The following TBCA variants were observed in gnomAD, a reference collection of about 807,000 sequenced individuals.
The protein encoded by TBCA is tubulin folding cofactor A.
Under a neutral mutation model 15.8 loss-of-function variants are expected in TBCA, and 6 were observed. The ratio of observed to expected loss-of-function variants is 0.38; its 90% confidence interval spans 0.21 to 0.75. TBCA has a LOEUF of 0.75. TBCA is among the 30% of genes least tolerant of loss of function. The pLI is 0.46. For missense variants in TBCA, 90 were observed against 131.2 expected (o/e 0.69, Z 1.53); for synonymous variants, 32 against 42.3 (o/e 0.76, Z 0.94).
intron 1 of TBCA, among the ~76,000 whole-genome samples, chr5:77,759,596 G>A (rs1251590200): frequency 1.3e-5 from 2 of 152,102 alleles, no homozygotes; most frequent in East Asian, 3.9e-4. Flanking sequence ...CATAAAACCA[G>A]GTTATTACAC....
chr5:77,722,012 G>GA (rs753464243), intron 1 of TBCA, among the ~76,000 whole-genome samples: 1 of 151,882 alleles, frequency 6.6e-6, no homozygotes, highest in Non-Finnish European at 1.5e-5. Flanking sequence ...CACAAAAACA[G>GA]AAAAAAATAT....
chr5:77,692,978 TA>T (rs1283544318), intron 3 of TBCA: 1 of 1,339,258 alleles, frequency 7.5e-7, no homozygotes. Context: ...GAAAACCAAA[TA>T]ATCAAGACAT....
chr5:77,703,607 C>CA (rs1746074315), intron 2 of TBCA, among the ~76,000 whole-genome samples: 1 of 152,110 alleles, frequency 6.6e-6, no homozygotes, highest in Non-Finnish European at 1.5e-5. Context: ...GACAAGGCCT[C>CA]ACTCTGTCAC....
At chr5:77,740,779 A>T (rs1244684539) in intron 1 of TBCA, among the ~76,000 whole-genome samples, 1 of 152,018 alleles carries the variant, frequency 6.6e-6, no homozygotes, top group Non-Finnish European at 1.5e-5. Context: ...TGATGGAGTA[A>T]AAAAGGGAAA....
At chr5:77,711,293 A>G (rs908050688) in intron 1 of TBCA, among the ~76,000 whole-genome samples, 4 of 152,208 alleles carry the variant, frequency 2.6e-5, no homozygotes, top group Non-Finnish European at 4.4e-5. Flanking sequence ...TAGAAGAACC[A>G]TATGGCCTGC....
chr5:77,736,500 A>G (rs1746910705), intron 1 of TBCA, among the ~76,000 whole-genome samples: 1 of 152,204 alleles, frequency 6.6e-6, no homozygotes, highest in South Asian at 2.1e-4. Context: ...CAAACTTCTA[A>G]TAAGGACATT....
At chr5:77,754,990 C>T (rs1421124578) in intron 1 of TBCA, among the ~76,000 whole-genome samples, 1 of 152,128 alleles carries the variant, frequency 6.6e-6, no homozygotes, top group East Asian at 1.9e-4. Context: ...AAACACACAA[C>T]AAAATACATG....
chr5:77,724,123 T>C (rs1392534246), intron 1 of TBCA, among the ~76,000 whole-genome samples: 1 of 152,068 alleles, frequency 6.6e-6, no homozygotes, highest in African/African-American at 2.4e-5. Context: ...AAACAATGTA[T>C]GAGGCAAATT....
intron 1 of TBCA, among the ~76,000 whole-genome samples, chr5:77,742,747 T>C (rs905836830): frequency 3.3e-5 from 5 of 152,234 alleles, no homozygotes; most frequent in African/African-American, 1.2e-4. Context: ...ATGAGTCTGA[T>C]AACTATCCAA....
At chr5:77,756,077 CATT>C in intron 1 of TBCA, among the ~76,000 whole-genome samples, 1 of 152,224 alleles carries the variant, frequency 6.6e-6, no homozygotes, top group African/African-American at 2.4e-5. Flanking sequence ...TGTTTTTCCT[CATT>C]ATTAGATGAT....
At chr5:77,693,027 T>C (rs972063229) in intron 3 of TBCA, 1 of 1,424,838 alleles carries the variant, frequency 7.0e-7, no homozygotes, top group Middle Eastern at 2.6e-4. Flanking sequence ...CTTAAATAAA[T>C]TTAACTAGCT....
intron 1 of TBCA, among the ~76,000 whole-genome samples, chr5:77,736,507 C>G (rs1438276615): frequency 6.6e-6 from 1 of 152,116 alleles, no homozygotes; most frequent in Non-Finnish European, 1.5e-5. Context: ...CTAATAAGGA[C>G]ATTAAAAAAC....
Position 77,741,568 on chromosome 5 carries a change from A to AT in TBCA, c.54-33222dup, listed in dbSNP as rs548574068. Among the ~76,000 whole-genome samples the AT allele has an allele frequency of 8.0e-3, 1,217 of 152,262 alleles. 20 individuals are homozygous for AT. Among genetic ancestry groups the AT allele is most frequent in the African/African-American group, 0.027 (1,133 of 41,556 alleles). ...AGTAACAGCAAAAGAAAAAAAATAG[A>AT]TTTTTTTAAAAAAGTAATGATTAAA... On this transcript the variant is annotated intron_variant, in intron 1 of 3. Coordinates refer to ENST00000380377, the MANE Select transcript of TBCA (RefSeq NM_004607.3).
chr5:77,717,556 G>A (rs973327969), intron 1 of TBCA, among the ~76,000 whole-genome samples: 4 of 152,180 alleles, frequency 2.6e-5, no homozygotes, highest in African/African-American at 4.8e-5. Flanking sequence ...TTAGTCGGGC[G>A]CAGTGGCTCA....
At chr5:77,763,939 G>T (rs1047240330) in intron 1 of TBCA, among the ~76,000 whole-genome samples, 1 of 152,090 alleles carries the variant, frequency 6.6e-6, no homozygotes, top group Non-Finnish European at 1.5e-5. Context: ...GAACAAGAAT[G>T]TACATAGAAA....
intron 1 of TBCA, among the ~76,000 whole-genome samples, chr5:77,730,016 G>C (rs747278773): frequency 6.6e-6 from 1 of 152,098 alleles, no homozygotes; most frequent in Non-Finnish European, 1.5e-5. Flanking sequence ...TTTCCAGTCA[G>C]AATGATTAAA....
At chr5:77,753,349 AAT>A (rs2112496315) in intron 1 of TBCA, among the ~76,000 whole-genome samples, 1 of 152,364 alleles carries the variant, frequency 6.6e-6, no homozygotes, top group Non-Finnish European at 1.5e-5. Context: ...CACACAGTTT[AAT>A]AGTGAAGTAT....
chr5:77,760,963 G>A lies in TBCA; in HGVS notation c.53+15242C>T, dbSNP rs1271443912. Among the ~76,000 whole-genome samples the A allele has an allele frequency of 5.6e-5, 8 of 143,428 alleles. 1 individual carries two copies. The highest frequency in any genetic ancestry group is 2.1e-4 in the East Asian group (1 of 4,844). The allele number at this position is 143,428 out of a possible 152,430, so 94.1% of individuals were successfully genotyped here. A position where few individuals can be genotyped will look rare whatever the true frequency, so the allele number is the denominator to read the frequency against. On this transcript the variant is annotated intron_variant, in intron 1 of 3. Transcript: ENST00000380377. ...GAGCACCTCTGCCCGGCCACCCATC[G>A]TCTGGGAAGTGAGGAGCGCCTCTGC... is the stretch of plus-strand genomic sequence containing the variant.
At chr5:77,770,539 A>C (rs1747880881) in intron 1 of TBCA, among the ~76,000 whole-genome samples, 1 of 151,496 alleles carries the variant, frequency 6.6e-6, no homozygotes, top group Non-Finnish European at 1.5e-5. Flanking sequence ...TCTCAGGCAA[A>C]CTGTGATAAT....
Sources: gnomAD v4.1 joint callset for allele counts (sites outside exome capture counted in the v4.1 genomes callset) on GRCh38, gnomAD v4.1.1 for gene constraint, MANE v1.5 for transcripts, NCBI Gene and HGNC (gene_info 2026-07-23, HGNC 2026-07-21) for gene names.